BACE1: variants seen among roughly 807,000 people sequenced by gnomAD.
BACE1 encodes the protein beta-secretase 1.
Under a neutral mutation model 54.0 loss-of-function variants are expected in BACE1, and 21 were observed. The observed-to-expected ratio is 0.39, with a 90% CI of 0.28 to 0.56. The LOEUF (loss-of-function observed/expected upper bound fraction) is 0.56, where lower values mean the gene tolerates loss of function less well. Ranked by LOEUF, BACE1 falls within the 20% of genes least tolerant of loss-of-function variation. BACE1 has a pLI of 0.63. For missense variants in BACE1, 511 were observed against 661.2 expected (o/e 0.77, Z 2.49); for synonymous variants, 232 against 260.9 (o/e 0.89, Z 1.07).
Position 117,293,388 on chromosome 11 carries a change from G to A in BACE1, c.706-200C>T, listed in dbSNP as rs540404734. 33 of 462,096 alleles carry A rather than the reference G, an allele frequency of 7.1e-5. No individual in the cohort carries two copies. The highest frequency in any genetic ancestry group is 4.8e-4 in the African/African-American group (24 of 49,584). 28.6% of individuals were successfully genotyped at this position (462,096 alleles called of 1,614,324 possible). A position where few individuals can be genotyped will look rare whatever the true frequency, so the allele number is the denominator to read the frequency against. ...ATGTGTTCAGGAGAAAAGACTTTCC[G>A]GGATTTTTAATTATTTGTTTCAGAA... On this transcript the variant is annotated intron_variant, in intron 4 of 8. Coordinates refer to ENST00000313005, the MANE Select transcript of BACE1 (RefSeq NM_012104.6). This position sits in a 1 kb window ranked among gnomAD's most constrained non-coding sequence, Gnocchi z 4.1.
At chr11:117,291,086 C>A (rs1259855964) in intron 6 of BACE1, 37 bp from the exon 7 acceptor site, 1 of 1,606,260 alleles carries the variant, frequency 6.2e-7, no homozygotes, top group African/African-American at 1.3e-5. Flanking sequence ...TGAGGAAAAG[C>A]CTCTTTATCA....
intron 1 of BACE1, among the ~76,000 whole-genome samples, chr11:117,309,178 A>T (rs547542444): frequency 3.9e-5 from 6 of 152,104 alleles, no homozygotes; most frequent in Non-Finnish European, 8.8e-5. Flanking sequence ...AGGCCCCCGT[A>T]TCCTGAGATC....
At chr11:117,291,350 C>T (rs1372983820) in intron 6 of BACE1, among the ~76,000 whole-genome samples, 2 of 151,432 alleles carry the variant, frequency 1.3e-5, no homozygotes, top group Non-Finnish European at 2.9e-5. Context: ...AATCATGGCT[C>T]ACCGCAACCT....
At chr11:117,300,542 C>T (rs1445730672) in intron 1 of BACE1, among the ~76,000 whole-genome samples, 1 of 152,166 alleles carries the variant, frequency 6.6e-6, no homozygotes, top group Non-Finnish European at 1.5e-5. Context: ...CAGTTCAGGG[C>T]GGCCTGGGCA....
At chr11:117,299,158 G>A (rs61903703) in intron 1 of BACE1, among the ~76,000 whole-genome samples, 7,553 of 152,110 alleles carry the variant, frequency 0.05, 286 homozygotes, top group East Asian at 0.14. Flanking sequence ...CCCACCTTCA[G>A]TCAGACCAGA....
intron 1 of BACE1, among the ~76,000 whole-genome samples, chr11:117,308,425 T>A (rs28989474): frequency 2.2e-4 from 34 of 152,152 alleles, no homozygotes; most frequent in African/African-American, 7.2e-4. Flanking sequence ...GGTGGCTGAA[T>A]ACTTCCACGA....
At position 117,315,294 on chromosome 11, in the gene BACE1, GACGGCGT is replaced by G. The variant is rs1345393595; in HGVS notation, c.261+234_261+240del. Among the ~76,000 whole-genome samples, 1 of 152,158 alleles carries G rather than the reference GACGGCGT, an allele frequency of 6.6e-6. No individual in the cohort carries two copies. The highest frequency in any genetic ancestry group is 6.5e-5 in the Admixed American group (1 of 15,282). On this transcript the variant is annotated intron_variant, in intron 1 of 8. Coordinates refer to ENST00000313005, the MANE Select transcript of BACE1 (RefSeq NM_012104.6). The surrounding 1 kb of genome is among the most constrained non-coding windows in gnomAD (Gnocchi z 5.5). Reference sequence around the variant, plus strand: ...GTCTGTCTTGCCTCAAATCCTTCCAGACGGCGTATGTGTCAGATGAGGAGCAAGGGGA... The same window carrying G: ...GTCTGTCTTGCCTCAAATCCTTCCAGATGTGTCAGATGAGGAGCAAGGGGA...
At chr11:117,307,521 A>G (rs1376488309) in intron 1 of BACE1, among the ~76,000 whole-genome samples, 1 of 152,160 alleles carries the variant, frequency 6.6e-6, no homozygotes, top group Non-Finnish European at 1.5e-5. Flanking sequence ...CACGTTGGCC[A>G]TGCTGGTCTT....
chr11:117,299,236 G>A (rs1177438316), intron 1 of BACE1, among the ~76,000 whole-genome samples: 1 of 152,126 alleles, frequency 6.6e-6, no homozygotes, highest in Non-Finnish European at 1.5e-5. Flanking sequence ...TCAGAAAAAT[G>A]GTAATTTGTA....
At chr11:117,297,264 T>C (rs2034623457) in intron 1 of BACE1, 1 of 314,772 alleles carries the variant, frequency 3.2e-6, no homozygotes, top group Non-Finnish European at 5.8e-6. Flanking sequence ...CAAAAAAATA[T>C]AGGAAGTCAA....
intron 3 of BACE1, 53 bp from the exon 4 acceptor site, chr11:117,294,061 G>A: frequency 6.3e-7 from 1 of 1,575,784 alleles, no homozygotes. Flanking sequence ...AAAGGCAGAG[G>A]CCAGCTTCCT....
At chr11:117,295,571 A>T (rs780554729) in intron 2 of BACE1, 2 of 1,535,564 alleles carry the variant, frequency 1.3e-6, no homozygotes, top group Non-Finnish European at 8.7e-7. Flanking sequence ...TCTCCTATCT[A>T]TTGCTCATAT....
chr11:117,295,447 G>T, intron 2 of BACE1, 100 bp from the exon 3 acceptor site: 1 of 1,542,216 alleles, frequency 6.5e-7, no homozygotes. Flanking sequence ...CATCTCAGGG[G>T]AATCCTAGAG....
Position 117,295,293 on chromosome 11 carries a change from G to T in BACE1, c.405C>A (p.Gly135=), listed in dbSNP as rs753574518. Residue 135 remains glycine, a synonymous_variant, in exon 3 of 9, where the codon GGC becomes GGA. Transcript: ENST00000313005. ...CGGTGCCCAGCTCCCCTTCCCACTTGCCCTGGGTGTAGGGCACATACACAC... is the reference window on the plus strand; with the variant it reads ...CGGTGCCCAGCTCCCCTTCCCACTTTCCCTGGGTGTAGGGCACATACACAC... ...RKGVYVPYTQ[G]KWEGELGTDL... The T allele has an allele frequency of 2.5e-6, 4 of 1,614,230 alleles. No homozygotes were observed. The highest frequency in any genetic ancestry group is 1.6e-4 in the Middle Eastern group (1 of 6,062).
chr11:117,299,670 C>G (rs753194777), intron 1 of BACE1: 57 of 407,404 alleles, frequency 1.4e-4, no homozygotes, highest in Non-Finnish European at 2.6e-4. Context: ...TCTCTCTCCC[C>G]GGTCTCTGGG....
rs45619137 is a variant in BACE1, at chr11:117,291,568, G to A, written c.942+144C>T. The A allele has an allele frequency of 0.076, 44,229 of 583,258 alleles. 2,049 individuals are homozygous for A. The highest frequency in any genetic ancestry group is 0.13 in the East Asian group (3,887 of 29,978). 36.1% of individuals were successfully genotyped at this position (583,258 alleles called of 1,614,324 possible). ...TGGGATTACAGGCGTGAGCCACCAC[G>A]CCTGGCTAGGGGAAGAGTGTTTTAA... On this transcript the variant is annotated intron_variant, in intron 6 of 8. Coordinates refer to ENST00000313005, the MANE Select transcript of BACE1 (RefSeq NM_012104.6).
chr11:117,309,257 T>C (rs2034895874), intron 1 of BACE1, among the ~76,000 whole-genome samples: 1 of 152,198 alleles, frequency 6.6e-6, no homozygotes, highest in South Asian at 2.1e-4. Context: ...GCTGTTTTCC[T>C]GGAACTAAAA....
intron 3 of BACE1, among the ~76,000 whole-genome samples, chr11:117,294,892 A>G (rs2034557031): frequency 6.6e-6 from 1 of 152,076 alleles, no homozygotes; most frequent in South Asian, 2.1e-4. Flanking sequence ...TCTCAAAAAA[A>G]AAAAGATCTT....
In BACE1 at chr11:117,289,564, C is replaced by T. The variant is rs762211123; in HGVS notation, c.*2G>A. On this transcript the variant is annotated 3_prime_UTR_variant, in exon 9 of 9. Transcript: ENST00000313005. Reference sequence around the variant, plus strand: ...ATCTCTATCTTCTGCCCATGGGCCTCCTCACTTCAGCAGGGAGATGTCATC... The same window carrying T: ...ATCTCTATCTTCTGCCCATGGGCCTTCTCACTTCAGCAGGGAGATGTCATC... The T allele has an allele frequency of 3.1e-6, 5 of 1,614,032 alleles. No homozygotes were observed. The highest frequency in any genetic ancestry group is 1.7e-4 in the Middle Eastern group (1 of 6,034).
Sources: gnomAD v4.1 joint callset for allele counts (sites outside exome capture counted in the v4.1 genomes callset) on GRCh38, gnomAD v4.1.1 for gene constraint, Gnocchi (gnomAD v3.1) non-coding constraint, MANE v1.5 for transcripts, NCBI Gene and HGNC (gene_info 2026-07-23, HGNC 2026-07-21) for gene names.